Variants in RACGAP1 observed in about 807,000 individuals in gnomAD.
RACGAP1 encodes the protein rac GTPase-activating protein 1.
In RACGAP1, 30 loss-of-function variants were observed where a neutral mutation model predicts 78.1. The observed-to-expected ratio is 0.38, with a 90% CI of 0.29 to 0.52. The LOEUF is 0.52. Ranked by LOEUF, RACGAP1 falls within the 20% of genes least tolerant of loss-of-function variation. RACGAP1 has a pLI of 0.82. For synonymous variants in RACGAP1, 231 were observed against 264.8 expected (o/e 0.87, Z 1.24); for missense variants, 587 against 777.1 (o/e 0.76, Z 2.91).
rs2292721 is a variant in RACGAP1, at chr12:49,990,566, T to C, written c.1823+118A>G. 12,294 of 892,430 alleles carry C rather than the reference T, an allele frequency of 0.014. 715 individuals are homozygous for C. The African/African-American group carries it at 0.14, about 10-fold the overall frequency. 55.3% of individuals were successfully genotyped at this position (892,430 alleles called of 1,614,324 possible). On this transcript the variant is annotated intron_variant, in intron 16 of 16. Coordinates refer to ENST00000312377, the MANE Select transcript of RACGAP1 (RefSeq NM_001319999.2). Reference sequence around the variant, plus strand: ...AATCCTTATAGCCCCACGTTCCCTTTTAAAGTCTAGTTGCTAGCTAAAATC... The same window carrying C: ...AATCCTTATAGCCCCACGTTCCCTTCTAAAGTCTAGTTGCTAGCTAAAATC...
At chr12:49,996,628 TAAAAAAAAAAAAAAAAAAAAAAAAAAAAA>T (rs57512055) in intron 10 of RACGAP1, among the ~76,000 whole-genome samples, 1 of 18,990 alleles carries the variant, frequency 5.3e-5, no homozygotes, top group Non-Finnish European at 8.7e-5. Flanking sequence ...GCAATAGAGC[TAAAAAAAAAAAAAAAAAAAAAAAAAAAAA>T]AAAAAAAAAA....
chr12:49,994,546 C>A (rs191409603), intron 10 of RACGAP1, 37 bp from the exon 11 acceptor site: 87 of 1,595,378 alleles, frequency 5.5e-5, no homozygotes, highest in Non-Finnish European at 6.9e-5. Flanking sequence ...ATTATTTACG[C>A]CATGTAGACC....
At chr12:50,025,746 C>G (rs765340753), upstream of RACGAP1, among the ~76,000 whole-genome samples, 6 of 152,114 alleles carry the variant, frequency 3.9e-5, no homozygotes, top group South Asian at 1.2e-3. Flanking sequence ...TTCCTGAATG[C>G]GAATTATTCT....
chr12:50,002,340 A>G, intron 5 of RACGAP1, 40 bp from the exon 6 acceptor site: 1 of 1,559,260 alleles, frequency 6.4e-7, no homozygotes. Context: ...TTTTTTGGTT[A>G]GGCCATCCCT....
rs966574637 is a variant in RACGAP1, at chr12:50,019,419, C to CA, written c.-4-2701dup. 1.1e-3 allele frequency among the ~76,000 whole-genome samples: 165 copies of CA among 151,092 alleles called. 1 individual carries two copies. The highest frequency in any genetic ancestry group is 9.2e-3 in the Admixed American group (139 of 15,138). Reference sequence around the variant, plus strand: ...CATGTAGCATTTAATATGATGCTCACAAAAAAAAATTGATAAGTGTTAATT... The same window carrying CA: ...CATGTAGCATTTAATATGATGCTCACAAAAAAAAAATTGATAAGTGTTAATT... On this transcript the variant is annotated intron_variant, in intron 1 of 16. Coordinates refer to ENST00000312377, the MANE Select transcript of RACGAP1 (RefSeq NM_001319999.2).
intron 9 of RACGAP1, among the ~76,000 whole-genome samples, chr12:49,997,658 AC>A (rs766827021): frequency 8.0e-5 from 12 of 150,488 alleles, no homozygotes; most frequent in Non-Finnish European, 1.6e-4. Flanking sequence ...GCTCACTGCA[AC>A]CTCCACCTCC....
At chr12:50,019,597 G>C (rs544001924) in intron 1 of RACGAP1, 3 of 151,898 alleles carry the variant, frequency 2.0e-5, no homozygotes, top group Admixed American at 6.6e-5. Flanking sequence ...GTGGTGGTGC[G>C]TGCCTGTAGT....
At position 49,989,563 on chromosome 12, in the gene RACGAP1, A is replaced by C. The variant is rs1426933027; in HGVS notation, c.*705T>G. On this transcript the variant is annotated 3_prime_UTR_variant, in exon 17 of 17. Transcript: ENST00000312377. ...AAAAGAAAAACTGGCTTTGACCCCA[A>C]ATGAACCCAAAGTTCAGCCAGCAGC... 6.6e-6 allele frequency: 1 copy of C among 152,224 alleles called. No individual in the cohort carries two copies. Among genetic ancestry groups the C allele is most frequent in the Non-Finnish European group, 1.5e-5 (1 of 68,046 alleles). The allele number at this position is 152,224 out of a possible 1,614,324, so 9.4% of individuals were successfully genotyped here. A position where few individuals can be genotyped will look rare whatever the true frequency, so the allele number is the denominator to read the frequency against.
At chr12:50,004,117 A>T (rs545218916) in intron 5 of RACGAP1, 118 bp downstream of exon 5, 491 of 1,381,756 alleles carry the variant, frequency 3.6e-4, no homozygotes, top group Non-Finnish European at 4.4e-4. Flanking sequence ...CAGAATCTAT[A>T]ACACATCAAC....
chr12:49,994,849 C>A (rs868618829), intron 10 of RACGAP1, among the ~76,000 whole-genome samples: 28 of 152,008 alleles, frequency 1.8e-4, no homozygotes, highest in Non-Finnish European at 3.4e-4. Context: ...ACAGGTATAG[C>A]CTTTAATATA....
chr12:49,991,867 G>A (rs1947905301), intron 15 of RACGAP1, 131 bp downstream of exon 15: 3 of 1,516,986 alleles, frequency 2.0e-6, no homozygotes, highest in Non-Finnish European at 2.6e-6. Flanking sequence ...AAAAAATTAC[G>A]ATGGTAGAAT....
At chr12:50,008,603 C>T (rs1042357730) in intron 2 of RACGAP1, among the ~76,000 whole-genome samples, 1 of 152,162 alleles carries the variant, frequency 6.6e-6, no homozygotes, top group Non-Finnish European at 1.5e-5. Context: ...AGCAACTCTC[C>T]TGCCTCAGCT....
At chr12:50,015,577 A>C (rs555151238) in intron 2 of RACGAP1, among the ~76,000 whole-genome samples, 1 of 151,714 alleles carries the variant, frequency 6.6e-6, no homozygotes, top group East Asian at 2.0e-4. Context: ...CGAGGCGGGC[A>C]GATCACGAGG....
chr12:50,023,559 C>A, intron 1 of RACGAP1, among the ~76,000 whole-genome samples: 1 of 152,010 alleles, frequency 6.6e-6, no homozygotes, highest in Middle Eastern at 3.4e-3. Flanking sequence ...CATGGTGAAA[C>A]CGTATCTCTA....
At chr12:49,991,457 T>TTATACATATATATATATATATATATA (rs1947836701) in intron 15 of RACGAP1, among the ~76,000 whole-genome samples, 1 of 27,402 alleles carries the variant, frequency 3.6e-5, no homozygotes, top group South Asian at 1.8e-3. Flanking sequence ...ATTTAAACTA[T>TTATACATATATATATATATATATATA]TATATATATA....
chr12:50,006,860 GGCTTA>G (rs1204667847), intron 2 of RACGAP1, among the ~76,000 whole-genome samples: 1 of 152,110 alleles, frequency 6.6e-6, no homozygotes, highest in East Asian at 1.9e-4. Flanking sequence ...ACTTACTTTT[GGCTTA>G]GCCAGTGGCA....
chr12:49,997,593 G>C (rs922221718), intron 9 of RACGAP1, among the ~76,000 whole-genome samples: 1 of 145,374 alleles, frequency 6.9e-6, no homozygotes, highest in African/African-American at 2.6e-5. Context: ...CTTTTTTTGA[G>C]ACAGAGTTTC....
intron 2 of RACGAP1, among the ~76,000 whole-genome samples, chr12:50,015,213 C>T (rs182811107): frequency 6.6e-6 from 1 of 152,058 alleles, no homozygotes; most frequent in East Asian, 1.9e-4. Context: ...TGCTATGTTG[C>T]CCAAGCTGGT....
intron 1 of RACGAP1, 57 bp downstream of exon 1, chr12:50,025,341 T>C: frequency 1.0e-6 from 1 of 985,824 alleles, no homozygotes; most frequent in Non-Finnish European, 1.2e-6. Flanking sequence ...ACGAACACTC[T>C]GCTTCCTATC....
Sources: gnomAD v4.1 joint callset for allele counts (sites outside exome capture counted in the v4.1 genomes callset) on GRCh38, gnomAD v4.1.1 for gene constraint, MANE v1.5 for transcripts, NCBI Gene and HGNC (gene_info 2026-07-23, HGNC 2026-07-21) for gene names.